The following MTNR1A variants were observed in gnomAD, a reference collection of about 807,000 sequenced individuals.
The protein encoded by MTNR1A is melatonin receptor 1A.
In MTNR1A, 7 loss-of-function variants were observed where a neutral mutation model predicts 5.5. That is an observed-to-expected ratio of 1.28 (90% CI 0.73 to 2.40). The LOEUF (loss-of-function observed/expected upper bound fraction) is 2.40, where lower values mean the gene tolerates loss of function less well. Ranked by LOEUF, MTNR1A falls within the 30% of genes most tolerant of loss-of-function variation. The pLI, the probability that MTNR1A is intolerant of heterozygous loss-of-function variation, is 0.00. For synonymous variants in MTNR1A, 196 were observed against 202.7 expected (o/e 0.97, Z 0.28); for missense variants, 441 against 464.4 (o/e 0.95, Z 0.46).
chr4:186,536,713 TAGGAATTTCAG>T (rs1386449656), intron 1 of MTNR1A, among the ~76,000 whole-genome samples: 3 of 152,244 alleles, frequency 2.0e-5, no homozygotes, highest in African/African-American at 7.2e-5. Flanking sequence ...GCCATTTATT[TAGGAATTTCAG>T]ATAAATTGTC....
rs780946696 is a variant in MTNR1A, at chr4:186,555,054, T to C, written c.184+128A>G. The C allele has an allele frequency of 6.3e-6, 7 of 1,114,398 alleles. No homozygotes were observed. The highest frequency in any genetic ancestry group is 9.2e-6 in the Non-Finnish European group (7 of 757,856). 69.0% of individuals were successfully genotyped at this position (1,114,398 alleles called of 1,614,324 possible). On this transcript the variant is annotated intron_variant, in intron 1 of 1. Coordinates refer to ENST00000307161, the MANE Select transcript of MTNR1A (RefSeq NM_005958.4). This position sits in a 1 kb window ranked among gnomAD's most constrained non-coding sequence, Gnocchi z 4.1. ...GGGCAGGCTGGAGAAGAGTCCTCTCTAACAGGAAAAATAACTCCAAGTCCG... is the reference window on the plus strand; with the variant it reads ...GGGCAGGCTGGAGAAGAGTCCTCTCCAACAGGAAAAATAACTCCAAGTCCG...
intron 1 of MTNR1A, among the ~76,000 whole-genome samples, chr4:186,545,521 C>T (rs774587428): frequency 1.3e-5 from 2 of 152,230 alleles, no homozygotes; most frequent in African/African-American, 2.4e-5. Flanking sequence ...ATTGAATTAA[C>T]GCACCCTTTG....
At chr4:186,536,181 A>G (rs1736844844) in intron 1 of MTNR1A, among the ~76,000 whole-genome samples, 2 of 152,052 alleles carry the variant, frequency 1.3e-5, no homozygotes, top group South Asian at 4.2e-4. Flanking sequence ...CCCCGTCTCT[A>G]CTAAAAATAC....
chr4:186,548,110 CA>C (rs145872634), intron 1 of MTNR1A, among the ~76,000 whole-genome samples: 1 of 151,014 alleles, frequency 6.6e-6, no homozygotes, highest in Non-Finnish European at 1.5e-5. Context: ...AACAGGCAAT[CA>C]AAAAAAAACT....
chr4:186,546,470 C>T (rs889643265), intron 1 of MTNR1A, among the ~76,000 whole-genome samples: 2 of 152,108 alleles, frequency 1.3e-5, no homozygotes, highest in African/African-American at 4.8e-5. Context: ...TTGGTGACTC[C>T]TTCTCCCAGC....
At position 186,534,176 on chromosome 4, in the gene MTNR1A, A is replaced by T; in HGVS notation, c.566T>A (p.Ile189Asn). Residue 189 changes from isoleucine (I) to asparagine (N), a missense_variant, in exon 2 of 2, where the codon ATC becomes AAC. Transcript: ENST00000307161. Reference protein sequence around the residue: ...FAQSVSSAYTIAVVVFHFLVP... With the variant: ...FAQSVSSAYTNAVVVFHFLVP... ...GAGGAAGTGGAAAACCACCACGGCGATGGTGTAGGCGGAGCTGACGGACTG... is the reference window on the plus strand; with the variant it reads ...GAGGAAGTGGAAAACCACCACGGCGTTGGTGTAGGCGGAGCTGACGGACTG... 1 of 1,613,450 alleles carries T rather than the reference A, an allele frequency of 6.2e-7. No homozygotes were observed. The highest frequency in any genetic ancestry group is 8.5e-7 in the Non-Finnish European group (1 of 1,179,416).
rs764154841 is a variant in MTNR1A, at chr4:186,534,278, G to A, written c.464C>T (p.Thr155Met). Residue 155 changes from threonine (T) to methionine (M), a missense_variant, in exon 2 of 2, where the codon ACG becomes ATG. By Grantham distance (81) the Thr-to-Met change is moderately conservative. Coordinates refer to ENST00000307161, the MANE Select transcript of MTNR1A (RefSeq NM_005958.4). ...LCYVLLIWLL[T>M]LAAVLPNLRA... ...GAGGTTGGGCAGGACGGCCGCCAGC[G>A]TCAGGAGCCATATGAGGAGCACGTA... 1.4e-5 allele frequency: 23 copies of A among 1,614,184 alleles called. No individual in the cohort carries two copies. Among genetic ancestry groups the A allele is most frequent in the Middle Eastern group, 1.7e-4 (1 of 6,060 alleles).
intron 1 of MTNR1A, among the ~76,000 whole-genome samples, chr4:186,547,199 CAT>C (rs2111382987): frequency 2.4e-5 from 2 of 83,484 alleles, no homozygotes; most frequent in Admixed American, 1.2e-4. Context: ...ACACCCTGTT[CAT>C]GGGACACACC....
At chr4:186,553,722 A>C (rs888061733) in intron 1 of MTNR1A, among the ~76,000 whole-genome samples, 4 of 152,158 alleles carry the variant, frequency 2.6e-5, no homozygotes, top group African/African-American at 9.7e-5. Context: ...CATGTTGGCC[A>C]GCTGGTCTCG....
intron 1 of MTNR1A, among the ~76,000 whole-genome samples, chr4:186,553,350 G>A (rs993847599): frequency 6.6e-6 from 1 of 152,080 alleles, no homozygotes; most frequent in South Asian, 2.1e-4. Flanking sequence ...AAAGCTGTGC[G>A]GATTAAAGGT....
At chr4:186,541,833 G>A (rs1737032020) in intron 1 of MTNR1A, among the ~76,000 whole-genome samples, 1 of 152,154 alleles carries the variant, frequency 6.6e-6, no homozygotes, top group South Asian at 2.1e-4. Flanking sequence ...AGTCCCTGGT[G>A]CCAAAAAGGT....
intron 1 of MTNR1A, among the ~76,000 whole-genome samples, chr4:186,553,850 C>G (rs534292272): frequency 6.6e-6 from 1 of 152,194 alleles, no homozygotes; most frequent in Non-Finnish European, 1.5e-5. Context: ...TTCAAACTTC[C>G]CAAATGCTGC....
chr4:186,535,980 A>C (rs1023242074), intron 1 of MTNR1A, among the ~76,000 whole-genome samples: 2 of 152,200 alleles, frequency 1.3e-5, no homozygotes, highest in African/African-American at 4.8e-5. Flanking sequence ...AATTCAATTC[A>C]GTTTACATAT....
rs1270825759 is a variant in MTNR1A at position 186,548,843 on chromosome 4, ATATACAC to A, written c.184+6332_184+6338del. On this transcript the variant is annotated intron_variant, in intron 1 of 1. Transcript: ENST00000307161. ...TATATATATATATATATATATATAT[ATATACAC>A]TATATATGTAAAACAATCTTTTAAA... Among the ~76,000 whole-genome samples the A allele has an allele frequency of 3.6e-4, 19 of 53,320 alleles. 1 individual carries two copies. The highest frequency in any genetic ancestry group is 1.5e-3 in the East Asian group (2 of 1,334). The allele number at this position is 53,320 out of a possible 152,430, so 35.0% of individuals were successfully genotyped here. A position where few individuals can be genotyped will look rare whatever the true frequency, so the allele number is the denominator to read the frequency against.
intron 1 of MTNR1A, among the ~76,000 whole-genome samples, chr4:186,549,741 G>A (rs983342667): frequency 3.3e-5 from 5 of 152,068 alleles, no homozygotes; most frequent in Non-Finnish European, 5.9e-5. Context: ...TTTGAAAGTC[G>A]GAGCCGCGTT....
At chr4:186,541,162 AC>A (rs531247799) in intron 1 of MTNR1A, among the ~76,000 whole-genome samples, 11 of 152,318 alleles carry the variant, frequency 7.2e-5, no homozygotes, top group Non-Finnish European at 8.8e-5. Context: ...CCTGGTTTCC[AC>A]ATGGCTTTTC....
chr4:186,534,380 A>T lies in MTNR1A; in HGVS notation c.362T>A (p.Ile121Asn). ...VIGSIFNITGIAINRYCYICH... is the reference protein window; with the variant it reads ...VIGSIFNITGNAINRYCYICH... ...GATGTAGCAGTAGCGGTTGATGGCG[A>T]TGCCGGTGATGTTGAATATGGAGCC... Residue 121 changes from isoleucine to asparagine, a missense_variant, in exon 2 of 2, where the codon ATC (isoleucine) becomes AAC (asparagine). Ile to Asn is a moderately radical substitution (Grantham distance 149). Coordinates refer to ENST00000307161, the MANE Select transcript of MTNR1A (RefSeq NM_005958.4). 1 of 1,614,116 alleles carries T rather than the reference A, an allele frequency of 6.2e-7. No individual in the cohort carries two copies. The highest frequency in any genetic ancestry group is 8.5e-7 in the Non-Finnish European group (1 of 1,180,022).
intron 1 of MTNR1A, among the ~76,000 whole-genome samples, chr4:186,536,132 A>C (rs1736843426): frequency 6.6e-6 from 1 of 151,984 alleles, no homozygotes; most frequent in African/African-American, 2.4e-5. Context: ...GATCAACTGA[A>C]GTCAGGAGTT....
intron 1 of MTNR1A, among the ~76,000 whole-genome samples, chr4:186,538,780 A>T (rs902157446): frequency 6.6e-6 from 1 of 152,196 alleles, no homozygotes; most frequent in Non-Finnish European, 1.5e-5. Flanking sequence ...GACCAAGGAG[A>T]ACCTTCAGGA....
Sources: allele counts gnomAD v4.1 joint callset (sites outside exome capture counted in the v4.1 genomes callset), GRCh38; gene constraint gnomAD v4.1.1; non-coding constraint Gnocchi (gnomAD v3.1); transcripts MANE v1.5; gene names NCBI Gene and HGNC (gene_info 2026-07-23, HGNC 2026-07-21).